The following CLEC6A variants were observed in gnomAD, a reference collection of about 807,000 sequenced individuals.
CLEC6A encodes the protein C-type lectin domain family 6 member A.
CLEC6A carries 22 observed loss-of-function variants against 25.7 expected under a neutral mutation model. The observed-to-expected ratio is 0.85, with a 90% confidence interval of 0.61 to 1.22. The LOEUF is 1.22. CLEC6A is among the 50% of genes most tolerant of loss of function. The pLI is 0.00. For missense variants in CLEC6A, 240 were observed against 236.8 expected (o/e 1.01, Z -0.09); for synonymous variants, 92 against 76.7 (o/e 1.20, Z -1.04).
chr12:8,473,694 C>CA (rs1281281072), intron 4 of CLEC6A, among the ~76,000 whole-genome samples: 4 of 152,114 alleles, frequency 2.6e-5, no homozygotes. Context: ...TTCCCACCAG[C>CA]AATGTATGTA....
At chr12:8,461,115 T>C in intron 3 of CLEC6A, 3 of 1,594,262 alleles carry the variant, frequency 1.9e-6, no homozygotes, top group Non-Finnish European at 2.5e-6. Flanking sequence ...GGCTGACATC[T>C]GCAGGCTGAA....
intron 4 of CLEC6A, 107 bp from the exon 5 acceptor site, chr12:8,476,018 A>G: frequency 1.6e-6 from 1 of 642,758 alleles, no homozygotes; most frequent in Non-Finnish European, 2.6e-6. Context: ...TGCTCCTTGC[A>G]CCTTGTGTTT....
chr12:8,474,816 C>T (rs182731738), intron 4 of CLEC6A, among the ~76,000 whole-genome samples: 163 of 152,144 alleles, frequency 1.1e-3, no homozygotes, highest in African/African-American at 3.6e-3. Context: ...ATAAATAAAT[C>T]GACTATAGTT....
chr12:8,460,658 A>C, intron 3 of CLEC6A: 1 of 1,491,344 alleles, frequency 6.7e-7, no homozygotes, highest in South Asian at 1.1e-5. Context: ...TGGAGAAAGA[A>C]GCAGTCTGAT....
chr12:8,458,235 T>C (rs1480102660), intron 2 of CLEC6A, among the ~76,000 whole-genome samples: 1 of 152,220 alleles, frequency 6.6e-6, no homozygotes, highest in Non-Finnish European at 1.5e-5. Flanking sequence ...ATCCATGTTG[T>C]CCATTGTAGC....
chr12:8,462,877 T>C (rs1326577732), intron 3 of CLEC6A, among the ~76,000 whole-genome samples: 1 of 152,218 alleles, frequency 6.6e-6, no homozygotes, highest in Admixed American at 6.5e-5. Flanking sequence ...CCCACAGGTG[T>C]GGAGGGGCAA....
chr12:8,477,577 T>G lies in CLEC6A; in HGVS notation c.*113T>G. On this transcript the variant is annotated 3_prime_UTR_variant, in exon 6 of 6. Coordinates refer to ENST00000382073, the MANE Select transcript of CLEC6A (RefSeq NM_001007033.2). ...AATTTCTTCCTGAATTTACACATAA[T>G]CCTTATGTTATAGAGGTTCACAGAA... 5.1e-6 allele frequency: 4 copies of G among 779,552 alleles called. No homozygotes were observed. Among genetic ancestry groups the G allele is most frequent in the African/African-American group, 1.8e-5 (1 of 56,238 alleles). 48.3% of individuals were successfully genotyped at this position (779,552 alleles called of 1,614,324 possible).
chr12:8,474,352 T>C (rs1939943526), intron 4 of CLEC6A, among the ~76,000 whole-genome samples: 1 of 152,200 alleles, frequency 6.6e-6, no homozygotes, highest in Non-Finnish European at 1.5e-5. Context: ...CTTTCTATTG[T>C]CAACTTTGTC....
chr12:8,477,303 T>C lies in CLEC6A; in HGVS notation c.486-17T>C. Reference sequence around the variant, plus strand: ...GCATTCTTTGAAGATGTGTACTACCTTTTTGTTTTCCTTTAGATTTTGGCA... The same window carrying C: ...GCATTCTTTGAAGATGTGTACTACCCTTTTGTTTTCCTTTAGATTTTGGCA... On this transcript the variant is annotated splice_polypyrimidine_tract_variant and intron_variant, in intron 5 of 5. Transcript: ENST00000382073. 6.3e-7 allele frequency: 1 copy of C among 1,599,524 alleles called. No individual in the cohort carries two copies. Among genetic ancestry groups the C allele is most frequent in the Non-Finnish European group, 8.5e-7 (1 of 1,173,274 alleles).
intron 1 of CLEC6A, 106 bp from the exon 2 acceptor site, chr12:8,457,792 C>G: frequency 1.3e-6 from 1 of 759,438 alleles, no homozygotes; most frequent in East Asian, 2.5e-5. Flanking sequence ...AAGTTTTTAA[C>G]TGCTCTGAGG....
chr12:8,477,145 G>A (rs1185692654), intron 5 of CLEC6A, among the ~76,000 whole-genome samples, 175 bp from the exon 6 acceptor site: 6 of 152,102 alleles, frequency 3.9e-5, no homozygotes, highest in Non-Finnish European at 1.5e-5. Flanking sequence ...AGGAGCAAGT[G>A]TAAAAGTATG....
Position 8,477,557 on chromosome 12 carries a change from CTTCCTGA to C in CLEC6A, c.*94_*100del, listed in dbSNP as rs1939994082. 2 of 980,798 alleles carry C rather than the reference CTTCCTGA, an allele frequency of 2.0e-6. No homozygotes were observed. Among genetic ancestry groups the C allele is most frequent in the East Asian group, 5.2e-5 (2 of 38,378 alleles). The allele number at this position is 980,798 out of a possible 1,614,324, so 60.8% of individuals were successfully genotyped here. A position where few individuals can be genotyped will look rare whatever the true frequency, so the allele number is the denominator to read the frequency against. ...GAACCCTATCATGAAATGATAATTT[CTTCCTGA>C]ATTTACACATAATCCTTATGTTATA... is the stretch of plus-strand genomic sequence containing the variant. On this transcript the variant is annotated 3_prime_UTR_variant, in exon 6 of 6. Coordinates refer to ENST00000382073, the MANE Select transcript of CLEC6A (RefSeq NM_001007033.2).
intron 4 of CLEC6A, among the ~76,000 whole-genome samples, chr12:8,475,751 C>T (rs1007234661): frequency 6.6e-6 from 1 of 152,098 alleles, no homozygotes; most frequent in Non-Finnish European, 1.5e-5. Flanking sequence ...TGAAAACACC[C>T]TAACTCTCAT....
intron 3 of CLEC6A, among the ~76,000 whole-genome samples, chr12:8,464,651 A>G (rs1939807716): frequency 6.6e-6 from 1 of 152,172 alleles, no homozygotes; most frequent in African/African-American, 2.4e-5. Context: ...ATAACAAAAC[A>G]AATCTAAACA....
intron 2 of CLEC6A, among the ~76,000 whole-genome samples, chr12:8,459,386 T>C (rs1939721848): frequency 6.6e-6 from 1 of 152,056 alleles, no homozygotes; most frequent in Admixed American, 6.6e-5. Context: ...TAAATTCTAG[T>C]GGTGAAAAGA....
chr12:8,470,067 G>A (rs1210355185), intron 4 of CLEC6A, among the ~76,000 whole-genome samples: 3 of 152,056 alleles, frequency 2.0e-5, no homozygotes, highest in East Asian at 3.9e-4. Flanking sequence ...AATCTTCAAT[G>A]AACTTGAACA....
Position 8,473,280 on chromosome 12 carries a change from C to T in CLEC6A, c.370-2845C>T, listed in dbSNP as rs1303163820. Among the ~76,000 whole-genome samples the T allele has an allele frequency of 5.9e-3, 49 of 8,266 alleles. 17 individuals are homozygous for T. Among genetic ancestry groups the T allele is most frequent in the African/African-American group, 0.011 (48 of 4,366 alleles). 5.4% of individuals were successfully genotyped at this position (8,266 alleles called of 152,430 possible). A position where few individuals can be genotyped will look rare whatever the true frequency, so the allele number is the denominator to read the frequency against. ...AAGTGCTGGGATTACAGGCGTGAGCCACCGCGCCCGGCCAGCTCCTACTTC... is the reference window on the plus strand; with the variant it reads ...AAGTGCTGGGATTACAGGCGTGAGCTACCGCGCCCGGCCAGCTCCTACTTC... On this transcript the variant is annotated intron_variant, in intron 4 of 5. Transcript: ENST00000382073.
In CLEC6A at chr12:8,460,724, T is replaced by C; in HGVS notation, c.223+1026T>C. On this transcript the variant is annotated intron_variant, in intron 3 of 5. Transcript: ENST00000382073. The stretch of plus-strand genomic sequence containing the variant: ...TGGCAGTACCGCCAGCTCTCTGCTC[T>C]CCACAGGGCTCCCCACCCCACCTGG... The C allele has an allele frequency of 2.7e-6, 4 of 1,464,902 alleles. No individual in the cohort carries two copies. The Admixed American group carries it at 6.7e-5, about 25-fold the overall frequency. The allele number at this position is 1,464,902 out of a possible 1,614,324, so 90.7% of individuals were successfully genotyped here.
Position 8,477,652 on chromosome 12 carries a change from C to T in CLEC6A, c.*188C>T. On this transcript the variant is annotated 3_prime_UTR_variant, in exon 6 of 6. Transcript: ENST00000382073. ...AATCAATCTTCTCGTTTCCTCTTTTCCATTAATGATAGAATGCACCCTTCC... is the reference window on the plus strand; with the variant it reads ...AATCAATCTTCTCGTTTCCTCTTTTTCATTAATGATAGAATGCACCCTTCC... 2.2e-6 allele frequency: 1 copy of T among 445,714 alleles called. No individual in the cohort carries two copies. Among genetic ancestry groups the T allele is most frequent in the Non-Finnish European group, 3.9e-6 (1 of 254,282 alleles). The allele number at this position is 445,714 out of a possible 1,614,324, so 27.6% of individuals were successfully genotyped here.
Sources: allele counts gnomAD v4.1 joint callset (sites outside exome capture counted in the v4.1 genomes callset), GRCh38; gene constraint gnomAD v4.1.1; transcripts MANE v1.5; gene names NCBI Gene and HGNC (gene_info 2026-07-23, HGNC 2026-07-21).